Variants in GRAMD1C observed in about 807,000 individuals in gnomAD.
GRAMD1C encodes protein Aster-C.
Under a neutral mutation model 97.8 loss-of-function variants are expected in GRAMD1C, and 89 were observed. That is an observed-to-expected ratio of 0.91 (90% CI 0.77 to 1.09). The LOEUF (loss-of-function observed/expected upper bound fraction) is 1.09, where lower values mean the gene tolerates loss of function less well. Ranked by LOEUF, GRAMD1C falls within the 50% of genes least tolerant of loss-of-function variation. GRAMD1C has a pLI of 0.00. For missense variants in GRAMD1C, 740 were observed against 766.4 expected (o/e 0.97, Z 0.41); for synonymous variants, 256 against 267.0 (o/e 0.96, Z 0.40).
intron 3 of GRAMD1C, among the ~76,000 whole-genome samples, chr3:113,871,537 G>C (rs907690912): frequency 6.6e-6 from 1 of 151,728 alleles, no homozygotes. Context: ...GGCGGATCAT[G>C]AGGTCAGGAG....
At chr3:113,891,369 G>C (rs765948347) in intron 6 of GRAMD1C, among the ~76,000 whole-genome samples, 1 of 152,080 alleles carries the variant, frequency 6.6e-6, no homozygotes, top group African/African-American at 2.4e-5. Flanking sequence ...CAGGCACAGT[G>C]CTAGGTGCTT....
At chr3:113,887,942 G>A (rs1935578531) in intron 6 of GRAMD1C, among the ~76,000 whole-genome samples, 1 of 152,040 alleles carries the variant, frequency 6.6e-6, no homozygotes, top group Admixed American at 6.5e-5. Context: ...ACTGACTCAA[G>A]TAGAAATAGA....
At position 113,939,948 on chromosome 3, in the gene GRAMD1C, C is replaced by G; in HGVS notation, c.1754C>G (p.Ala585Gly). 1 of 1,610,132 alleles carries G rather than the reference C, an allele frequency of 6.2e-7. No homozygotes were observed. Among genetic ancestry groups the G allele is most frequent in the Non-Finnish European group, 8.5e-7 (1 of 1,176,336 alleles). ...LFLKLSKIEH[A>G]AQSFYRLRLQ... ...CTGAAGCTGTCAAAGATAGAACATG[C>G]TGCTCAGTCCTTTTACCGTCTCCGC... is the stretch of plus-strand genomic sequence containing the variant. The change falls in exon 16 of 18, where the codon GCT (alanine) becomes GGT (glycine). Residue 585 changes from alanine to glycine, a missense_variant. Physicochemically the swap from Ala to Gly is moderately conservative, Grantham distance 60 (BLOSUM62 0). Transcript: ENST00000358160.
upstream of GRAMD1C, among the ~76,000 whole-genome samples, chr3:113,837,707 C>T (rs182977829): frequency 6.1e-4 from 90 of 148,274 alleles, no homozygotes; most frequent in East Asian, 0.017. Context: ...GGCAACATGG[C>T]GAAACCCTGT....
intron 5 of GRAMD1C, 31 bp downstream of exon 5, chr3:113,876,291 A>T (rs760361809): frequency 1.7e-6 from 2 of 1,168,988 alleles, no homozygotes; most frequent in Non-Finnish European, 2.6e-6. Context: ...GTTATATTAC[A>T]TAATGTGAAG....
intron 9 of GRAMD1C, among the ~76,000 whole-genome samples, chr3:113,912,678 G>A (rs1936646904): frequency 6.6e-6 from 1 of 151,598 alleles, no homozygotes; most frequent in African/African-American, 2.4e-5. Context: ...AGGCTGCAGT[G>A]AGCTATGATC....
intron 6 of GRAMD1C, chr3:113,885,375 C>A: frequency 6.3e-7 from 1 of 1,590,346 alleles, no homozygotes; most frequent in Non-Finnish European, 8.6e-7. Flanking sequence ...TCTTCATTTA[C>A]CTTTTGCGGG....
chr3:113,910,613 C>T (rs2107329672), intron 9 of GRAMD1C, among the ~76,000 whole-genome samples: 1 of 152,240 alleles, frequency 6.6e-6, no homozygotes, highest in Non-Finnish European at 1.5e-5. Context: ...TCCTTCTTGA[C>T]CACCCTGGTG....
chr3:113,894,158 A>C (rs963703346), intron 6 of GRAMD1C, among the ~76,000 whole-genome samples: 1 of 152,212 alleles, frequency 6.6e-6, no homozygotes, highest in Admixed American at 6.5e-5. Flanking sequence ...AAAATTTAAA[A>C]GATTTTTAAA....
At chr3:113,829,338 C>G (rs900662900) in intron 1 of GRAMD1C, among the ~76,000 whole-genome samples, 1 of 152,276 alleles carries the variant, frequency 6.6e-6, no homozygotes, top group African/African-American at 2.4e-5. Flanking sequence ...GCCCCAGGTA[C>G]TTGGAAGGCT....
At chr3:113,912,409 G>A (rs1282100120) in intron 9 of GRAMD1C, among the ~76,000 whole-genome samples, 1 of 152,138 alleles carries the variant, frequency 6.6e-6, no homozygotes, top group East Asian at 1.9e-4. Context: ...TATAGATTGT[G>A]TGTGTTATAC....
intron 1 of GRAMD1C, among the ~76,000 whole-genome samples, chr3:113,831,641 T>C (rs1709559078): frequency 6.6e-6 from 1 of 152,172 alleles, no homozygotes; most frequent in African/African-American, 2.4e-5. Context: ...CTCCTCAGAC[T>C]GAATAATCCC....
At chr3:113,895,225 C>T (rs1935892013) in intron 6 of GRAMD1C, among the ~76,000 whole-genome samples, 1 of 152,142 alleles carries the variant, frequency 6.6e-6, no homozygotes, top group South Asian at 2.1e-4. Flanking sequence ...TTTCTGATTG[C>T]TAATCTGACT....
intron 9 of GRAMD1C, chr3:113,913,004 G>A (rs1450177186): frequency 1.0e-5 from 5 of 479,254 alleles, no homozygotes; most frequent in Non-Finnish European, 1.8e-5. Context: ...AATGTAGTGG[G>A]AGACATTTGG....
At chr3:113,939,803 TGAAGC>T in intron 15 of GRAMD1C, 78 bp from the exon 16 acceptor site, 2 of 725,006 alleles carry the variant, frequency 2.8e-6, no homozygotes, top group Admixed American at 2.2e-5. Flanking sequence ...TACACATTTT[TGAAGC>T]TTTTGCATGT....
intron 10 of GRAMD1C, among the ~76,000 whole-genome samples, chr3:113,924,367 ATTG>A (rs1472171202): frequency 2.0e-4 from 31 of 151,710 alleles, no homozygotes; most frequent in Non-Finnish European, 2.9e-5. Context: ...GTGATGTTAG[ATTG>A]TTATTTCTAG....
intron 2 of GRAMD1C, among the ~76,000 whole-genome samples, chr3:113,849,852 C>T (rs2107328365): frequency 6.6e-6 from 1 of 152,272 alleles, no homozygotes; most frequent in East Asian, 1.9e-4. Flanking sequence ...GGGCTCCTCA[C>T]TTCCCAGTAG....
chr3:113,919,751 T>G, intron 10 of GRAMD1C: 1 of 588,272 alleles, frequency 1.7e-6, no homozygotes, highest in South Asian at 1.5e-5. Flanking sequence ...ACATATATAA[T>G]TTGAATATAG....
At chr3:113,857,566 CG>C (rs1934195605) in intron 2 of GRAMD1C, among the ~76,000 whole-genome samples, 1 of 151,884 alleles carries the variant, frequency 6.6e-6, no homozygotes, top group Admixed American at 6.6e-5. Context: ...TTAGTAGGGA[CG>C]GGGTTTCACC....
Sources: allele counts gnomAD v4.1 joint callset (sites outside exome capture counted in the v4.1 genomes callset), GRCh38; gene constraint gnomAD v4.1.1; transcripts MANE v1.5; gene names NCBI Gene and HGNC (gene_info 2026-07-23, HGNC 2026-07-21).